Variants in SH3D19 observed in about 807,000 individuals in gnomAD.
The protein encoded by SH3D19 is SH3 domain containing 19.
In SH3D19, 58 loss-of-function variants were observed where a neutral mutation model predicts 112.1. The ratio of observed to expected loss-of-function variants is 0.52; its 90% CI spans 0.42 to 0.64. The LOEUF (loss-of-function observed/expected upper bound fraction) is 0.64, where lower values mean the gene tolerates loss of function less well. SH3D19 is among the 30% of genes least tolerant of loss of function. The pLI is 0.00. For synonymous variants in SH3D19, 391 were observed against 448.5 expected (o/e 0.87, Z 1.62); for missense variants, 1,090 against 1,263.4 (o/e 0.86, Z 2.08).
intron 1 of SH3D19, among the ~76,000 whole-genome samples, chr4:151,278,049 A>C (rs568475694): frequency 6.6e-6 from 1 of 152,284 alleles, no homozygotes; most frequent in East Asian, 1.9e-4. Context: ...CCCCCAAAAA[A>C]CAGAAAGGGT....
chr4:151,173,730 A>G (rs1759458849), intron 7 of SH3D19, among the ~76,000 whole-genome samples: 2 of 152,206 alleles, frequency 1.3e-5, no homozygotes, highest in South Asian at 4.1e-4. Context: ...TTTTAAACAC[A>G]CCTGTGCTAT....
At chr4:151,254,415 C>T (rs940927360) in intron 1 of SH3D19, among the ~76,000 whole-genome samples, 4 of 149,540 alleles carry the variant, frequency 2.7e-5, no homozygotes, top group African/African-American at 4.9e-5. Flanking sequence ...GGAAGGTCAG[C>T]AGATAAACAA....
At chr4:151,310,496 T>C (rs1367123496) in intron 1 of SH3D19, among the ~76,000 whole-genome samples, 1 of 151,894 alleles carries the variant, frequency 6.6e-6, no homozygotes, top group Non-Finnish European at 1.5e-5. Context: ...CAGAGGTTCC[T>C]CAAAAAAATT....
intron 13 of SH3D19, 24 bp from the exon 14 acceptor site, chr4:151,137,886 G>A: frequency 6.4e-7 from 1 of 1,568,944 alleles, no homozygotes; most frequent in Non-Finnish European, 8.6e-7. Context: ...TTATAGTTAT[G>A]TATGATGAAT....
chr4:151,226,328 A>G, intron 1 of SH3D19: 1 of 1,168,584 alleles, frequency 8.6e-7, no homozygotes, highest in South Asian at 4.4e-5. Context: ...GCATCATTAC[A>G]TGCATTATTT....
intron 2 of SH3D19, among the ~76,000 whole-genome samples, chr4:151,197,916 T>A (rs544587424): frequency 1.3e-5 from 2 of 152,236 alleles, no homozygotes; most frequent in East Asian, 3.9e-4. Flanking sequence ...ATACTTTTTT[T>A]AAAAAGCAAA....
At chr4:151,309,007 T>C (rs1270885982) in intron 1 of SH3D19, among the ~76,000 whole-genome samples, 2 of 152,150 alleles carry the variant, frequency 1.3e-5, no homozygotes, top group East Asian at 1.9e-4. Flanking sequence ...TAGCTGGGAT[T>C]ACAGGTGCAC....
At chr4:151,204,305 T>C (rs569420461) in intron 2 of SH3D19, among the ~76,000 whole-genome samples, 12 of 152,326 alleles carry the variant, frequency 7.9e-5, no homozygotes, top group Admixed American at 5.2e-4. Flanking sequence ...CTCACCACTT[T>C]GACTAGCTCC....
At chr4:151,255,022 G>A (rs1219869002) in intron 1 of SH3D19, among the ~76,000 whole-genome samples, 73 of 151,010 alleles carry the variant, frequency 4.8e-4, no homozygotes, top group African/African-American at 1.8e-3. Context: ...CAGTAGGGGC[G>A]GCCGGGCAGA....
intron 2 of SH3D19, among the ~76,000 whole-genome samples, chr4:151,211,043 T>C (rs1580178073): frequency 1.3e-5 from 2 of 152,272 alleles, no homozygotes; most frequent in Non-Finnish European, 2.9e-5. Flanking sequence ...TATCTGACTA[T>C]CTCTACTAAA....
chr4:151,210,379 G>T (rs916827245), intron 2 of SH3D19, among the ~76,000 whole-genome samples: 2 of 150,368 alleles, frequency 1.3e-5, no homozygotes, highest in Non-Finnish European at 3.0e-5. Flanking sequence ...TTTATGAAAA[G>T]AAACTTATAT....
intron 1 of SH3D19, among the ~76,000 whole-genome samples, chr4:151,304,610 G>A (rs1379034937): frequency 6.6e-6 from 1 of 152,208 alleles, no homozygotes; most frequent in Non-Finnish European, 1.5e-5. Context: ...ACACTGACAA[G>A]CAAATATATT....
chr4:151,165,475 C>T (rs1757847849), intron 8 of SH3D19, 114 bp downstream of exon 8: 1 of 801,328 alleles, frequency 1.2e-6, no homozygotes, highest in Non-Finnish European at 1.9e-6. Context: ...TTTTAAATAG[C>T]TTTGACTATG....
chr4:151,221,470 A>G (rs905874165), intron 2 of SH3D19, among the ~76,000 whole-genome samples: 17 of 152,246 alleles, frequency 1.1e-4, no homozygotes, highest in African/African-American at 4.1e-4. Flanking sequence ...TACCCTGGAC[A>G]GAAAACGATG....
At chr4:151,284,744 T>C (rs979425100) in intron 1 of SH3D19, among the ~76,000 whole-genome samples, 1 of 152,180 alleles carries the variant, frequency 6.6e-6, no homozygotes, top group Admixed American at 6.5e-5. Context: ...CTAAAGAATG[T>C]TGATTTCCTG....
At chr4:151,235,747 C>G (rs190470036) in intron 1 of SH3D19, among the ~76,000 whole-genome samples, 6 of 152,276 alleles carry the variant, frequency 3.9e-5, no homozygotes, top group African/African-American at 1.2e-4. Context: ...GATTGCGCCA[C>G]TGCACTCCAG....
At chr4:151,143,842 T>C in intron 12 of SH3D19, 68 bp downstream of exon 12, 1 of 1,490,242 alleles carries the variant, frequency 6.7e-7, no homozygotes. Context: ...AGATGAGATA[T>C]AATTAATAGT....
chr4:151,252,056 TGTG>T (rs1771454300), intron 1 of SH3D19, among the ~76,000 whole-genome samples: 2 of 152,224 alleles, frequency 1.3e-5, no homozygotes, highest in Admixed American at 1.3e-4. Context: ...AAAATCCGTC[TGTG>T]TTCCAATCTA....
intron 1 of SH3D19, chr4:151,228,105 C>A: frequency 3.4e-6 from 3 of 888,602 alleles, no homozygotes; most frequent in Non-Finnish European, 4.0e-6. Context: ...TAAGAAAATA[C>A]AAATGTCTTC....
Sources: gnomAD v4.1 joint callset for allele counts (sites outside exome capture counted in the v4.1 genomes callset) on GRCh38, gnomAD v4.1.1 for gene constraint, MANE v1.5 for transcripts, NCBI Gene and HGNC (gene_info 2026-07-23, HGNC 2026-07-21) for gene names.